OR4F15: variants seen among roughly 807,000 people sequenced by gnomAD.
OR4F15 encodes the protein olfactory receptor family 4 subfamily F member 15, also known as olfactory receptor 4F15.
A neutral mutation model predicts 11.9 loss-of-function variants in OR4F15; 7 were observed. The ratio of observed to expected loss-of-function variants is 0.59; its 90% confidence interval spans 0.33 to 1.10. The LOEUF (loss-of-function observed/expected upper bound fraction) is 1.10. Ranked by LOEUF, OR4F15 falls within the 50% of genes least tolerant of loss-of-function variation. The pLI is 0.03. For synonymous variants in OR4F15, 151 were observed against 134.6 expected (o/e 1.12, Z -0.84); for missense variants, 445 against 377.5 (o/e 1.18, Z -1.48).
chr15:101,816,886 C>G (rs965763880), intron 1 of OR4F15, among the ~76,000 whole-genome samples: 1 of 152,102 alleles, frequency 6.6e-6, no homozygotes, highest in African/African-American at 2.4e-5. Context: ...CATCTTCTTC[C>G]AGAGTGCAGA....
At position 101,818,486 on chromosome 15, in the gene OR4F15, G is replaced by A; in HGVS notation, c.300G>A (p.Gln100=). ...KAISFRGCIT[Q]IFFSHALGGT... ...TCTCCTTTCGGGGATGTATTACTCA[G>A]ATCTTCTTTAGCCATGCTCTTGGGG... Residue 100 remains glutamine (Q), a synonymous_variant, in exon 2 of 2, where the codon CAG becomes CAA. Coordinates refer to ENST00000332238, the MANE Select transcript of OR4F15 (RefSeq NM_001001674.2). 1 of 1,614,102 alleles carries A rather than the reference G, an allele frequency of 6.2e-7. No individual in the cohort carries two copies. The highest frequency in any genetic ancestry group is 8.5e-7 in the Non-Finnish European group (1 of 1,180,020).
chr15:101,812,967 A>G (rs1198541584), intron 1 of OR4F15, among the ~76,000 whole-genome samples: 1 of 152,222 alleles, frequency 6.6e-6, no homozygotes, highest in African/African-American at 2.4e-5. Context: ...CAAAAGTGAC[A>G]AGATAAAGAG....
intron 1 of OR4F15, among the ~76,000 whole-genome samples, chr15:101,815,640 C>A (rs1298892439): frequency 1.3e-5 from 2 of 152,064 alleles, no homozygotes; most frequent in African/African-American, 2.4e-5. Flanking sequence ...GTATGTGACA[C>A]AAAAATTGCA....
rs1903067509 is a variant in OR4F15 at position 101,819,554 on chromosome 15, T to C, written c.*429T>C. On this transcript the variant is annotated 3_prime_UTR_variant, in exon 2 of 2. Transcript: ENST00000332238. ...TGGAGTCTCGCTCTGTCACCCAGGC[T>C]AGAGTGCAATGGCATGATTTCAGCT... The C allele has an allele frequency of 6.3e-6, 1 of 158,280 alleles. No individual in the cohort carries two copies. Among genetic ancestry groups the C allele is most frequent in the South Asian group, 1.8e-4 (1 of 5,426 alleles). 9.8% of individuals were successfully genotyped at this position (158,280 alleles called of 1,614,324 possible). A position where few individuals can be genotyped will look rare whatever the true frequency, so the allele number is the denominator to read the frequency against.
chr15:101,819,039 G>C lies in OR4F15; in HGVS notation c.853G>C (p.Val285Leu). 1 of 1,613,844 alleles carries C rather than the reference G, an allele frequency of 6.2e-7. No individual in the cohort carries two copies. ...ATTTATTACTCCTTTTCTGAATCCA[G>C]TTATCTACACATTCAGGAACAAAGA... is the stretch of plus-strand genomic sequence containing the variant. ...DAFITPFLNP[V>L]IYTFRNKDMK... Residue 285 changes from valine (V) to leucine (L), a missense_variant, in exon 2 of 2, where the codon GTT (valine) becomes CTT (leucine). Physicochemically the swap from Val to Leu is conservative, Grantham distance 32. Transcript: ENST00000332238.
intron 1 of OR4F15, among the ~76,000 whole-genome samples, chr15:101,816,526 T>G (rs1412778239): frequency 1.3e-5 from 2 of 152,008 alleles, no homozygotes; most frequent in African/African-American, 4.8e-5. Flanking sequence ...CCACTAGATT[T>G]GTAGTAGCTT....
At chr15:101,814,151 C>T (rs185191641) in intron 1 of OR4F15, among the ~76,000 whole-genome samples, 132 of 152,320 alleles carry the variant, frequency 8.7e-4, no homozygotes, top group Non-Finnish European at 1.0e-3. Flanking sequence ...ATTTTCTCAT[C>T]TTTGCTTTAT....
intron 1 of OR4F15, among the ~76,000 whole-genome samples, chr15:101,817,601 C>T (rs1461461811): frequency 1.3e-5 from 2 of 152,094 alleles, no homozygotes; most frequent in Non-Finnish European, 2.9e-5. Flanking sequence ...GGGAAGATTT[C>T]ACACATAAGC....
intron 1 of OR4F15, 94 bp downstream of exon 1, chr15:101,812,366 A>G (rs1902921752): frequency 6.6e-6 from 1 of 152,214 alleles, no homozygotes; most frequent in Non-Finnish European, 1.5e-5. Context: ...TTACCTGGAA[A>G]GGGAGAACAA....
At chr15:101,815,423 A>ATATG (rs1363396721) in intron 1 of OR4F15, among the ~76,000 whole-genome samples, 1 of 152,086 alleles carries the variant, frequency 6.6e-6, no homozygotes, top group Non-Finnish European at 1.5e-5. Context: ...ATATATATAT[A>ATATG]TGTGGGGAGA....
rs768807269 is a variant in OR4F15, at chr15:101,818,794, G to A, written c.608G>A (p.Ser203Asn). Residue 203 changes from serine to asparagine, a missense_variant, in exon 2 of 2, where the codon AGT becomes AAT. Transcript: ENST00000332238. ...QELEFMVTVN[S>N]GLISVGSFVL... is the part of the protein sequence containing the mutation. Reference sequence around the variant, plus strand: ...CTGGAGTTCATGGTCACTGTCAATAGTGGACTCATTTCTGTGGGCTCCTTT... The same window carrying A: ...CTGGAGTTCATGGTCACTGTCAATAATGGACTCATTTCTGTGGGCTCCTTT... 3.1e-6 allele frequency: 5 copies of A among 1,614,002 alleles called. No individual in the cohort carries two copies. The African/African-American group carries it at 6.7e-5, about 22-fold the overall frequency.
intron 1 of OR4F15, among the ~76,000 whole-genome samples, chr15:101,816,158 A>G (rs1305696428): frequency 6.6e-6 from 1 of 152,214 alleles, no homozygotes; most frequent in Non-Finnish European, 1.5e-5. Flanking sequence ...ACAGATATGA[A>G]TAATTTAAGA....
intron 1 of OR4F15, among the ~76,000 whole-genome samples, chr15:101,817,296 C>T (rs549837839): frequency 3.4e-4 from 52 of 152,274 alleles, no homozygotes; most frequent in African/African-American, 1.3e-3. Flanking sequence ...TGTTAATATA[C>T]TATTAATATA....
chr15:101,818,699 TA>T lies in OR4F15; in HGVS notation c.515del (p.Asn172IlefsTer44). 6.2e-7 allele frequency: 1 copy of T among 1,614,196 alleles called. No homozygotes were observed. The highest frequency in any genetic ancestry group is 8.5e-7 in the Non-Finnish European group (1 of 1,180,024). ...FVVDLPFCGP[N>X]IFDSFYCDLP... ...TGGTAGATTTACCTTTTTGTGGTCCTAATATCTTTGACAGTTTTTACTGTGA... is the reference window on the plus strand; with the variant it reads ...TGGTAGATTTACCTTTTTGTGGTCCTATATCTTTGACAGTTTTTACTGTGA... On this transcript the variant is annotated frameshift_variant, in exon 2 of 2. Transcript: ENST00000332238. LOFTEE classifies it high-confidence loss of function.
Position 101,818,620 on chromosome 15 carries a change from T to C in OR4F15, c.434T>C (p.Leu145Ser), listed in dbSNP as rs767955702. The C allele has an allele frequency of 6.2e-7, 1 of 1,614,198 alleles. No individual in the cohort carries two copies. Among genetic ancestry groups the C allele is most frequent in the Non-Finnish European group, 8.5e-7 (1 of 1,180,030 alleles). The change falls in exon 2 of 2, where the codon TTA becomes TCA. Residue 145 changes from leucine to serine, a missense_variant. Leu to Ser is a moderately radical substitution (Grantham distance 145). Transcript: ENST00000332238. ...AGCCCAAGAATGTGTCTATACTTTT[T>C]AGCCACTTCCTCTATCATTGGCCTT... ...IMSPRMCLYF[L>S]ATSSIIGLIH...
In OR4F15 at chr15:101,816,221, T is replaced by C. The variant is rs555734617; in HGVS notation, c.-37-1929T>C. On this transcript the variant is annotated intron_variant, in intron 1 of 1. Transcript: ENST00000332238. ...CTTCCCAATGAATTACAAGGGTCCT[T>C]ATAAGAGGAAGAGTCAGAGGAGATG... 2.0e-5 allele frequency among the ~76,000 whole-genome samples: 3 copies of C among 152,266 alleles called. No individual in the cohort carries two copies. The South Asian group carries it at 6.2e-4, about 32-fold the overall frequency.
At chr15:101,815,165 A>G (rs1406397796) in intron 1 of OR4F15, among the ~76,000 whole-genome samples, 1 of 152,194 alleles carries the variant, frequency 6.6e-6, no homozygotes, top group East Asian at 1.9e-4. Flanking sequence ...CTTACTTAAA[A>G]TTGCTCTGAT....
In OR4F15 at chr15:101,819,162, T is replaced by C. The variant is rs1396968519; in HGVS notation, c.*37T>C. ...GTCAAGATGTGTAACTATGGATTAC[T>C]CCTCATGCTGATTGCATAAAAGAAA... On this transcript the variant is annotated 3_prime_UTR_variant, in exon 2 of 2. Coordinates refer to ENST00000332238, the MANE Select transcript of OR4F15 (RefSeq NM_001001674.2). 1 of 1,371,336 alleles carries C rather than the reference T, an allele frequency of 7.3e-7. No individual in the cohort carries two copies. The highest frequency in any genetic ancestry group is 2.2e-5 in the Admixed American group (1 of 45,260). 84.9% of individuals were successfully genotyped at this position (1,371,336 alleles called of 1,614,324 possible).
chr15:101,818,388 A>G lies in OR4F15; in HGVS notation c.202A>G (p.Ile68Val). The G allele has an allele frequency of 6.2e-7, 1 of 1,614,058 alleles. No individual in the cohort carries two copies. The highest frequency in any genetic ancestry group is 2.2e-5 in the East Asian group (1 of 44,888). ...GTATTTCCTCCTGGCTAACCTCTCAATCATTGATATGGCATTTTGCTCAAT... is the reference window on the plus strand; with the variant it reads ...GTATTTCCTCCTGGCTAACCTCTCAGTCATTGATATGGCATTTTGCTCAAT... ...PMYFLLANLS[I>V]IDMAFCSITA... Residue 68 changes from isoleucine (I) to valine (V), a missense_variant, in exon 2 of 2, where the codon ATC (isoleucine) becomes GTC (valine). Transcript: ENST00000332238.
Sources: gnomAD v4.1 joint callset for allele counts (sites outside exome capture counted in the v4.1 genomes callset) on GRCh38, gnomAD v4.1.1 for gene constraint, MANE v1.5 for transcripts, NCBI Gene and HGNC (gene_info 2026-07-23, HGNC 2026-07-21) for gene names.